Variants in SLC34A1 observed in about 807,000 individuals in gnomAD.
The protein encoded by SLC34A1 is sodium-dependent phosphate transport protein 2A.
In SLC34A1, 57 loss-of-function variants were observed where a neutral mutation model predicts 51.4. The ratio of observed to expected loss-of-function variants is 1.11; its 90% confidence interval spans 0.90 to 1.38. SLC34A1 has a LOEUF of 1.38. SLC34A1 is among the 40% of genes most tolerant of loss of function. The pLI, the probability that SLC34A1 is intolerant of heterozygous loss-of-function variation, is 0.00. For synonymous variants in SLC34A1, 368 were observed against 358.0 expected (o/e 1.03, Z -0.32); for missense variants, 796 against 835.6 (o/e 0.95, Z 0.58).
rs373215202 is a variant in SLC34A1 at position 177,396,687 on chromosome 5, T to A, written c.1175-46T>A. 10 of 1,565,226 alleles carry A rather than the reference T, an allele frequency of 6.4e-6. No homozygotes were observed. In the African/African-American group the frequency reaches 9.5e-5, roughly 15 times the overall value. On this transcript the variant is annotated intron_variant, in intron 10 of 12. Coordinates refer to ENST00000324417, the MANE Select transcript of SLC34A1 (RefSeq NM_003052.5). The surrounding 1 kb of genome is among the most constrained non-coding windows in gnomAD (Gnocchi z 4.0). ...CCCCCGCGGAGGTCTGCTCTCCCAA[T>A]GTCCCCGCTCTGACCCCAGCCTGCT...
In SLC34A1 at chr5:177,398,728, C is replaced by T. The variant is rs1046691548; in HGVS notation, c.*442C>T. On this transcript the variant is annotated 3_prime_UTR_variant, in exon 13 of 13. Coordinates refer to ENST00000324417, the MANE Select transcript of SLC34A1 (RefSeq NM_003052.5). This position sits in a 1 kb window ranked among gnomAD's most constrained non-coding sequence, Gnocchi z 4.7. Reference sequence around the variant, plus strand: ...AATTTGCACACCTCCTTGCCACCTTCCTTCCTCCAAGATACCATCTCCTCA... The same window carrying T: ...AATTTGCACACCTCCTTGCCACCTTTCTTCCTCCAAGATACCATCTCCTCA... 5.0e-6 allele frequency: 1 copy of T among 201,884 alleles called. No homozygotes were observed. Among genetic ancestry groups the T allele is most frequent in the Admixed American group, 5.3e-5 (1 of 18,810 alleles). 12.5% of individuals were successfully genotyped at this position (201,884 alleles called of 1,614,324 possible).
intron 1 of SLC34A1, 147 bp from the exon 2 acceptor site, chr5:177,385,548 G>A (rs1234026641): frequency 1.5e-6 from 1 of 648,292 alleles, no homozygotes; most frequent in Non-Finnish European, 2.8e-6. Context: ...GTGTGTTTGT[G>A]CGTGTGAGTC....
In SLC34A1 at chr5:177,393,771, C is replaced by T. The variant is rs371460289; in HGVS notation, c.1006+8C>T. 15 of 1,613,906 alleles carry T rather than the reference C, an allele frequency of 9.3e-6. No homozygotes were observed. Among genetic ancestry groups the T allele is most frequent in the Non-Finnish European group, 1.2e-5 (14 of 1,179,906 alleles). On this transcript the variant is annotated splice_region_variant and intron_variant, in intron 9 of 12. Transcript: ENST00000324417. The stretch of plus-strand genomic sequence containing the variant: ...ATGCCACCATGGAGAAATGTAAGTG[C>T]CTGCAACATGGGAGGTGTCCTGCAT...
At chr5:177,387,381 C>CGA (rs1198018436) in intron 5 of SLC34A1, among the ~76,000 whole-genome samples, 10 of 152,090 alleles carry the variant, frequency 6.6e-5, no homozygotes, top group African/African-American at 2.4e-4. Flanking sequence ...GGCGACAGAG[C>CGA]GAGACTCTGT....
Position 177,388,139 on chromosome 5 carries a change from C to A in SLC34A1, c.790C>A (p.Pro264Thr), listed in dbSNP as rs1243458854. Residue 264 changes from proline (P) to threonine (T), a missense_variant, in exon 7 of 13, where the codon CCT (proline) becomes ACT (threonine). Physicochemically the swap from Pro to Thr is conservative, Grantham distance 38. Transcript: ENST00000324417. The surrounding 1 kb of genome is among the most constrained non-coding windows in gnomAD (Gnocchi z 4.3). Reference protein sequence around the residue: ...SFNIHGGRDAPDLLKIITEPF... With the variant: ...SFNIHGGRDATDLLKIITEPF... ...CAACATCCATGGTGGCCGTGATGCT[C>A]CTGACCTGCTCAAGATCATCACAGA... The A allele has an allele frequency of 2.5e-6, 4 of 1,614,140 alleles. No individual in the cohort carries two copies. The Middle Eastern group carries it at 4.9e-4, about 200-fold the overall frequency.
rs757450905 is a variant in SLC34A1, at chr5:177,386,204, T to G, written c.260-17T>G. ...CCCTGGCCTCTGCCCACTATGCTCA[T>G]GGCTTCCCCCATCCAGAGTCCAGGC... is the stretch of plus-strand genomic sequence containing the variant. On this transcript the variant is annotated splice_polypyrimidine_tract_variant and intron_variant, in intron 3 of 12. Transcript: ENST00000324417. This position sits in a 1 kb window ranked among gnomAD's most constrained non-coding sequence, Gnocchi z 4.8. 4 of 1,614,018 alleles carry G rather than the reference T, an allele frequency of 2.5e-6. No homozygotes were observed. The Admixed American group carries it at 6.7e-5, about 27-fold the overall frequency.
intron 1 of SLC34A1, among the ~76,000 whole-genome samples, 185 bp downstream of exon 1, chr5:177,384,672 C>T (rs975127246): frequency 6.6e-6 from 1 of 152,028 alleles, no homozygotes; most frequent in Non-Finnish European, 1.5e-5. Flanking sequence ...GCCGAGTGGG[C>T]GGATCACCTG....
Position 177,398,549 on chromosome 5 carries a change from C to A in SLC34A1, c.*263C>A. 1 of 575,868 alleles carries A rather than the reference C, an allele frequency of 1.7e-6. No individual in the cohort carries two copies. Among genetic ancestry groups the A allele is most frequent in the Non-Finnish European group, 3.1e-6 (1 of 317,708 alleles). 35.7% of individuals were successfully genotyped at this position (575,868 alleles called of 1,614,324 possible). A position where few individuals can be genotyped will look rare whatever the true frequency, so the allele number is the denominator to read the frequency against. On this transcript the variant is annotated 3_prime_UTR_variant, in exon 13 of 13. Transcript: ENST00000324417. The surrounding 1 kb of genome is among the most constrained non-coding windows in gnomAD (Gnocchi z 4.7). ...GCCCATGCAGGTGTACACAGACACACCTGTGGGAGGCTGTGTGCAGGCTGC... is the reference window on the plus strand; with the variant it reads ...GCCCATGCAGGTGTACACAGACACAACTGTGGGAGGCTGTGTGCAGGCTGC...
chr5:177,385,727 T>A lies in SLC34A1; in HGVS notation c.-15T>A, dbSNP rs200522178. 7 of 1,598,150 alleles carry A rather than the reference T, an allele frequency of 4.4e-6. No homozygotes were observed. Among genetic ancestry groups the A allele is most frequent in the Non-Finnish European group, 6.0e-6 (7 of 1,167,702 alleles). ...GAGACCCACTGACCTGCAGACCTCA[T>A]AGTGGGTGCCCAGGATGTTGTCCTA... On this transcript the variant is annotated 5_prime_UTR_variant, in exon 2 of 13. Transcript: ENST00000324417.
At chr5:177,392,125 C>T (rs138211800) in intron 8 of SLC34A1, among the ~76,000 whole-genome samples, 2 of 152,232 alleles carry the variant, frequency 1.3e-5, no homozygotes, top group Admixed American at 6.5e-5. Context: ...CAAGGGAGCA[C>T]ATCCCGCTAA....
rs1372907382 is a variant in SLC34A1, at chr5:177,386,156, G to A, written c.259+20G>A. On this transcript the variant is annotated intron_variant, in intron 3 of 12. Transcript: ENST00000324417. The surrounding 1 kb of genome is among the most constrained non-coding windows in gnomAD (Gnocchi z 4.8). ...AGCCAGGTGGGCCTGGGCTGGGGGT[G>A]GCAGAGGCGGCAGCAGTCCCTGCCC... 3.1e-6 allele frequency: 5 copies of A among 1,613,294 alleles called. No homozygotes were observed. The African/African-American group carries it at 6.7e-5, about 22-fold the overall frequency.
intron 8 of SLC34A1, among the ~76,000 whole-genome samples, chr5:177,389,024 G>A (rs1239906083): frequency 1.3e-5 from 2 of 152,140 alleles, no homozygotes; most frequent in Admixed American, 6.5e-5. Context: ...GTTAACAGCC[G>A]CTTGTGCTGG....
intron 8 of SLC34A1, chr5:177,389,932 G>T (rs1489555569): frequency 2.1e-6 from 3 of 1,417,006 alleles, no homozygotes; most frequent in Non-Finnish European, 1.8e-6. Flanking sequence ...GCAGGGCAGG[G>T]TCTCATTTCC....
intron 10 of SLC34A1, among the ~76,000 whole-genome samples, chr5:177,395,631 T>C (rs1762931850): frequency 6.6e-6 from 1 of 152,088 alleles, no homozygotes. Flanking sequence ...TTGATTTTCA[T>C]TTTCCCTTTT....
In SLC34A1 at chr5:177,387,870, G is replaced by A. The variant is rs375460862; in HGVS notation, c.641G>A (p.Arg214Gln). 58 of 1,612,206 alleles carry A rather than the reference G, an allele frequency of 3.6e-5. No individual in the cohort carries two copies. The highest frequency in any genetic ancestry group is 1.7e-4 in the Middle Eastern group (1 of 6,056). The change falls in exon 6 of 13, where the codon CGG (arginine) becomes CAG (glutamine). Residue 214 changes from arginine (R) to glutamine (Q), a missense_variant. Transcript: ENST00000324417. ...CAGGCGGGGGACAGGACTGACTTCC[G>A]GCGGTGAGGGGGGCTGGGGGTTGGG... ...LMQAGDRTDFRRAFAGATVHD... is the reference protein window; with the variant it reads ...LMQAGDRTDFQRAFAGATVHD...
chr5:177,393,799 C>T (rs1422724866), intron 9 of SLC34A1, 36 bp downstream of exon 9: 1 of 1,606,156 alleles, frequency 6.2e-7, no homozygotes, highest in Non-Finnish European at 8.5e-7. Context: ...TCCTGCATGG[C>T]AGGGGCAGAG....
At chr5:177,397,419 G>T (rs986672374) in intron 12 of SLC34A1, 3 of 488,170 alleles carry the variant, frequency 6.1e-6, no homozygotes, top group African/African-American at 5.8e-5. Flanking sequence ...AATTATTCTA[G>T]GAGCAAAGGA....
intron 8 of SLC34A1, chr5:177,389,539 G>T (rs1186428627): frequency 6.8e-7 from 1 of 1,463,058 alleles, no homozygotes; most frequent in African/African-American, 1.4e-5. Flanking sequence ...CAGCTTTTAC[G>T]CTGACTTCAT....
In SLC34A1 at chr5:177,398,617, A is replaced by G. The variant is rs773037239; in HGVS notation, c.*331A>G. On this transcript the variant is annotated 3_prime_UTR_variant, in exon 13 of 13. Transcript: ENST00000324417. This position sits in a 1 kb window ranked among gnomAD's most constrained non-coding sequence, Gnocchi z 4.7. The stretch of plus-strand genomic sequence containing the variant: ...TTTCAGGTCCTCTGCACGTGTACAC[A>G]TGACTAGGATAGGCAGGAGTAAGGG... The G allele has an allele frequency of 3.6e-4, 167 of 460,666 alleles. No homozygotes were observed. The highest frequency in any genetic ancestry group is 6.3e-4 in the Non-Finnish European group (156 of 246,450). The allele number at this position is 460,666 out of a possible 1,614,324, so 28.5% of individuals were successfully genotyped here.
Sources: allele counts gnomAD v4.1 joint callset (sites outside exome capture counted in the v4.1 genomes callset), GRCh38; gene constraint gnomAD v4.1.1; non-coding constraint Gnocchi (gnomAD v3.1); transcripts MANE v1.5; gene names NCBI Gene and HGNC (gene_info 2026-07-23, HGNC 2026-07-21).